The following RASAL2 variants were observed in gnomAD, a reference collection of about 807,000 sequenced individuals.
RASAL2 encodes ras GTPase-activating protein nGAP.
A neutral mutation model predicts 128.9 loss-of-function variants in RASAL2; 58 were observed. The ratio of observed to expected loss-of-function variants is 0.45; its 90% CI spans 0.36 to 0.56. The LOEUF (loss-of-function observed/expected upper bound fraction) is 0.56, where lower values mean the gene tolerates loss of function less well. RASAL2 is among the 20% of genes least tolerant of loss of function. The probability of loss-of-function intolerance (pLI) is 0.00; values close to 1 mark genes in which losing one functional copy is unlikely to be tolerated. For missense variants in RASAL2, 1,360 were observed against 1,601.6 expected, an observed-to-expected ratio of 0.85 and a Z score of 2.57; for synonymous variants, 561 against 580.8, an observed-to-expected ratio of 0.97 and a Z score of 0.49.
At chr1:178,319,141 T>C (rs962869995) in intron 3 of RASAL2, among the ~76,000 whole-genome samples, 2 of 152,226 alleles carry the variant, frequency 1.3e-5, no homozygotes, top group African/African-American at 4.8e-5. Flanking sequence ...TTCTGGCTTG[T>C]AGGATTTCTG....
chr1:178,307,059 T>A (rs1217912291), intron 3 of RASAL2, among the ~76,000 whole-genome samples: 2 of 151,490 alleles, frequency 1.3e-5, no homozygotes, highest in Admixed American at 6.6e-5. Flanking sequence ...TCTAAATAAA[T>A]TGCGAAGAAG....
In RASAL2 at chr1:178,233,572, A is replaced by C. The variant is rs3748789; in HGVS notation, c.203-49992A>C. 8.4e-4 allele frequency among the ~76,000 whole-genome samples: 128 copies of C among 152,352 alleles called. 1 individual carries two copies. The East Asian group carries it at 0.021, about 25-fold the overall frequency. ...GGAGACCTGGTTGAACGACAACAAC[A>C]AAAGGTCATCCTGCCAAAGATGGTT... On this transcript the variant is annotated intron_variant, in intron 1 of 17. Transcript: ENST00000367649.
intron 12 of RASAL2, among the ~76,000 whole-genome samples, chr1:178,455,375 T>C (rs1419885506): frequency 6.6e-6 from 1 of 152,190 alleles, no homozygotes; most frequent in African/African-American, 2.4e-5. Flanking sequence ...TTTATAAATA[T>C]GTGTGGTGGT....
At chr1:178,116,965 A>G (rs1253051947) in intron 1 of RASAL2, among the ~76,000 whole-genome samples, 2 of 152,206 alleles carry the variant, frequency 1.3e-5, no homozygotes, top group African/African-American at 4.8e-5. Context: ...ACATAGACTT[A>G]AATAATGCCT....
At chr1:178,235,856 G>C (rs1256644693) in intron 1 of RASAL2, among the ~76,000 whole-genome samples, 1 of 152,080 alleles carries the variant, frequency 6.6e-6, no homozygotes, top group East Asian at 1.9e-4. Flanking sequence ...TAACTGACTA[G>C]TTTGATTTTC....
intron 1 of RASAL2, among the ~76,000 whole-genome samples, chr1:178,232,544 C>T (rs1308598131): frequency 6.6e-6 from 1 of 152,108 alleles, no homozygotes; most frequent in Admixed American, 6.6e-5. Flanking sequence ...TCTGCCTCTG[C>T]TCTTTTTCTT....
At chr1:178,289,719 C>T (rs143226983) in intron 2 of RASAL2, among the ~76,000 whole-genome samples, 13 of 152,258 alleles carry the variant, frequency 8.5e-5, no homozygotes, top group South Asian at 2.1e-4. Flanking sequence ...CTAATCTTCA[C>T]TTCATGACTT....
chr1:178,373,173 C>T lies in RASAL2; in HGVS notation c.458-16927C>T, dbSNP rs530050986. ...GTATGACCTATGGATAGTCTTCTGC[C>T]AGTCCAAAAGTTATCTCTACTATTA... On this transcript the variant is annotated intron_variant, in intron 3 of 17. Transcript: ENST00000367649. Among the ~76,000 whole-genome samples, 7 of 151,542 alleles carry T rather than the reference C, an allele frequency of 4.6e-5. No individual in the cohort carries two copies. The East Asian group carries it at 1.4e-3, about 29-fold the overall frequency.
intron 17 of RASAL2, among the ~76,000 whole-genome samples, chr1:178,472,843 G>A (rs575087195): frequency 6.6e-6 from 1 of 152,276 alleles, no homozygotes; most frequent in South Asian, 2.1e-4. Context: ...TTAATAAAAA[G>A]TCCTGCTATG....
intron 3 of RASAL2, among the ~76,000 whole-genome samples, chr1:178,367,547 T>C (rs10913539): frequency 0.25 from 37,879 of 152,004 alleles, 7,518 homozygotes; most frequent in African/African-American, 0.55. Context: ...CAACTGTATG[T>C]GGGGGTCTAA....
At chr1:178,197,417 G>T (rs1281142945) in intron 1 of RASAL2, among the ~76,000 whole-genome samples, 2 of 151,904 alleles carry the variant, frequency 1.3e-5, no homozygotes, top group African/African-American at 4.8e-5. Flanking sequence ...TTGTGCCATT[G>T]GACTCCAGCA....
At chr1:178,292,574 A>G (rs1667325736) in intron 2 of RASAL2, among the ~76,000 whole-genome samples, 3 of 152,240 alleles carry the variant, frequency 2.0e-5, no homozygotes, top group East Asian at 1.9e-4. Context: ...CTTATGTGCT[A>G]TGAAATATAC....
chr1:178,155,219 G>C (rs1167923820), intron 1 of RASAL2, among the ~76,000 whole-genome samples: 1 of 152,040 alleles, frequency 6.6e-6, no homozygotes, highest in East Asian at 1.9e-4. Context: ...TATTGCCCCA[G>C]GGGTTGTTAG....
intron 3 of RASAL2, among the ~76,000 whole-genome samples, chr1:178,378,379 A>C (rs1672106701): frequency 6.6e-6 from 1 of 152,138 alleles, no homozygotes; most frequent in Admixed American, 6.5e-5. Flanking sequence ...AAATGGACAG[A>C]AATGGATAAT....
intron 9 of RASAL2, among the ~76,000 whole-genome samples, chr1:178,446,376 C>A (rs765266702): frequency 3.3e-5 from 5 of 152,066 alleles, no homozygotes; most frequent in Non-Finnish European, 7.4e-5. Flanking sequence ...TGTGTGAATA[C>A]TTTTATTTAT....
chr1:178,278,022 C>T (rs941199526), intron 1 of RASAL2, among the ~76,000 whole-genome samples: 1 of 152,136 alleles, frequency 6.6e-6, no homozygotes, highest in Non-Finnish European at 1.5e-5. Flanking sequence ...AGCATGGTCA[C>T]AAAGGGTGAG....
intron 3 of RASAL2, among the ~76,000 whole-genome samples, chr1:178,379,143 G>A (rs1403114244): frequency 1.3e-5 from 2 of 152,142 alleles, no homozygotes; most frequent in Non-Finnish European, 2.9e-5. Flanking sequence ...ATTTAGACAA[G>A]TGGACATTTT....
At chr1:178,191,980 A>T (rs184726180) in intron 1 of RASAL2, among the ~76,000 whole-genome samples, 28 of 152,268 alleles carry the variant, frequency 1.8e-4, no homozygotes, top group Non-Finnish European at 3.4e-4. Flanking sequence ...TATAAAAATA[A>T]CCCTTGATAG....
chr1:178,110,692 A>G (rs1659287181), intron 1 of RASAL2, among the ~76,000 whole-genome samples: 1 of 147,818 alleles, frequency 6.8e-6, no homozygotes, highest in South Asian at 2.1e-4. Flanking sequence ...GGTTCAAGGT[A>G]TTCTCATGCC....
Sources: gnomAD v4.1 joint callset for allele counts (sites outside exome capture counted in the v4.1 genomes callset) on GRCh38, gnomAD v4.1.1 for gene constraint, MANE v1.5 for transcripts, NCBI Gene and HGNC (gene_info 2026-07-23, HGNC 2026-07-21) for gene names.